Variants in PTPRD observed in about 807,000 individuals in gnomAD.
PTPRD encodes protein tyrosine phosphatase receptor type D.
Under a neutral mutation model 214.5 loss-of-function variants are expected in PTPRD, and 34 were observed. The observed-to-expected ratio is 0.16, with a 90% CI of 0.12 to 0.21. The LOEUF (loss-of-function observed/expected upper bound fraction) is 0.21. Ranked by LOEUF, PTPRD falls within the 10% of genes least tolerant of loss-of-function variation. The pLI, the probability that PTPRD is intolerant of heterozygous loss-of-function variation, is 1.00. For synonymous variants in PTPRD, 1,128 were observed against 845.7 expected, an observed-to-expected ratio of 1.33 and a Z score of -5.79; for missense variants, 2,545 against 2,398.7, an observed-to-expected ratio of 1.06 and a Z score of -1.27.
chr9:8,749,215 T>C (rs1000437975), intron 11 of PTPRD, among the ~76,000 whole-genome samples: 6 of 152,184 alleles, frequency 3.9e-5, no homozygotes, highest in African/African-American at 1.4e-4. Flanking sequence ...AGAGTCTCGC[T>C]CTGTCGCCCA....
chr9:8,956,742 A>G, intron 11 of PTPRD, among the ~76,000 whole-genome samples: 1 of 151,752 alleles, frequency 6.6e-6, no homozygotes, highest in East Asian at 1.9e-4. Context: ...CCTCCCTCTA[A>G]AAAATCCCAA....
intron 2 of PTPRD, among the ~76,000 whole-genome samples, chr9:10,424,059 GA>G (rs1186879461): frequency 6.6e-6 from 1 of 151,950 alleles, no homozygotes; most frequent in African/African-American, 2.4e-5. Context: ...TCAGAAGCAA[GA>G]AAATAGATTA....
At chr9:10,488,579 G>A (rs1454427852) in intron 2 of PTPRD, among the ~76,000 whole-genome samples, 1 of 152,062 alleles carries the variant, frequency 6.6e-6, no homozygotes, top group Non-Finnish European at 1.5e-5. Context: ...GTTTTTGGAG[G>A]TGCTGTCTGG....
chr9:9,688,991 A>G (rs969305635), intron 7 of PTPRD, among the ~76,000 whole-genome samples: 1 of 151,952 alleles, frequency 6.6e-6, no homozygotes, highest in African/African-American at 2.4e-5. Flanking sequence ...AGACTCCAGC[A>G]TACAAAAACA....
intron 3 of PTPRD, among the ~76,000 whole-genome samples, chr9:10,255,459 GA>G (rs1416936285): frequency 6.6e-6 from 1 of 152,112 alleles, no homozygotes; most frequent in Admixed American, 6.6e-5. Flanking sequence ...CAGTATAAAA[GA>G]TAAAAGTGAT....
At chr9:10,109,672 T>C (rs922485668) in intron 3 of PTPRD, among the ~76,000 whole-genome samples, 4 of 152,172 alleles carry the variant, frequency 2.6e-5, no homozygotes, top group Non-Finnish European at 5.9e-5. Flanking sequence ...TTCACTGCTG[T>C]TATTGGTACC....
chr9:9,597,027 T>C (rs1301615827), intron 7 of PTPRD, among the ~76,000 whole-genome samples: 1 of 151,950 alleles, frequency 6.6e-6, no homozygotes, highest in African/African-American at 2.4e-5. Flanking sequence ...TGAGTGGAGA[T>C]GAATAGACTT....
At chr9:8,905,672 G>A (rs1326919761) in intron 11 of PTPRD, among the ~76,000 whole-genome samples, 2 of 150,442 alleles carry the variant, frequency 1.3e-5, no homozygotes, top group Non-Finnish European at 2.9e-5. Context: ...CAGGGAGACC[G>A]AGGTTGCAGT....
intron 12 of PTPRD, among the ~76,000 whole-genome samples, chr9:8,720,696 T>C (rs1447193892): frequency 5.9e-5 from 9 of 152,126 alleles, no homozygotes; most frequent in African/African-American, 1.9e-4. Flanking sequence ...TGTTTTTTTT[T>C]AATTGAAATT....
intron 7 of PTPRD, among the ~76,000 whole-genome samples, chr9:9,707,948 G>C (rs12554701): frequency 0.065 from 9,872 of 151,732 alleles, 712 homozygotes; most frequent in East Asian, 0.36. Context: ...CATATACCTA[G>C]CAGTAAGAAA....
intron 8 of PTPRD, among the ~76,000 whole-genome samples, chr9:9,528,280 A>G (rs2074619928): frequency 6.6e-6 from 1 of 152,176 alleles, no homozygotes; most frequent in South Asian, 2.1e-4. Flanking sequence ...GAAAGAAGCA[A>G]GTAAAAATAT....
chr9:10,194,897 G>C (rs2099391245), intron 3 of PTPRD, among the ~76,000 whole-genome samples: 3 of 151,220 alleles, frequency 2.0e-5, no homozygotes, highest in Admixed American at 6.6e-5. Context: ...ACTTAAGTTT[G>C]GCAGTGACTG....
chr9:10,030,421 T>G (rs2097036017), intron 4 of PTPRD, among the ~76,000 whole-genome samples: 1 of 152,222 alleles, frequency 6.6e-6, no homozygotes, highest in Non-Finnish European at 1.5e-5. Context: ...ATAGATATGT[T>G]GATTTGTTTC....
At chr9:9,866,428 G>A (rs1417151806) in intron 5 of PTPRD, among the ~76,000 whole-genome samples, 1 of 152,088 alleles carries the variant, frequency 6.6e-6, no homozygotes, top group Non-Finnish European at 1.5e-5. Flanking sequence ...TTTTTATACA[G>A]TATGACCAGA....
chr9:9,383,596 G>C (rs535416243), intron 9 of PTPRD, among the ~76,000 whole-genome samples: 14 of 152,228 alleles, frequency 9.2e-5, no homozygotes, highest in African/African-American at 3.1e-4. Flanking sequence ...ATTTGGCTAA[G>C]AAAAAATTGT....
intron 12 of PTPRD, among the ~76,000 whole-genome samples, chr9:8,643,621 C>T (rs1372781189): frequency 1.3e-5 from 2 of 152,204 alleles, no homozygotes; most frequent in Non-Finnish European, 2.9e-5. Flanking sequence ...CCACTCCTGC[C>T]ACCACTGCTC....
chr9:10,476,263 G>C (rs527458671), intron 2 of PTPRD, among the ~76,000 whole-genome samples: 1 of 152,118 alleles, frequency 6.6e-6, no homozygotes, highest in Non-Finnish European at 1.5e-5. Context: ...AACTCCTTAA[G>C]CTAATAAACA....
chr9:10,088,824 G>A (rs899593150), intron 3 of PTPRD, among the ~76,000 whole-genome samples: 1 of 151,806 alleles, frequency 6.6e-6, no homozygotes, highest in East Asian at 2.0e-4. Context: ...GTTTAGCTAT[G>A]AATGGATATC....
intron 4 of PTPRD, among the ~76,000 whole-genome samples, chr9:9,971,293 T>A (rs1365064324): frequency 6.6e-6 from 1 of 152,220 alleles, no homozygotes; most frequent in Non-Finnish European, 1.5e-5. Flanking sequence ...CAGATGGATT[T>A]AAATTCACTA....
Sources: gnomAD v4.1 joint callset for allele counts (sites outside exome capture counted in the v4.1 genomes callset) on GRCh38, gnomAD v4.1.1 for gene constraint, MANE v1.5 for transcripts, NCBI Gene and HGNC (gene_info 2026-07-23, HGNC 2026-07-21) for gene names.